UBE3B: variants seen among roughly 807,000 people sequenced by gnomAD.
UBE3B encodes ubiquitin-protein ligase E3B.
UBE3B carries 80 observed loss-of-function variants against 132.3 expected under a neutral mutation model. That is an observed-to-expected ratio of 0.60 (90% CI 0.50 to 0.73). UBE3B has a LOEUF of 0.73. UBE3B is among the 30% of genes least tolerant of loss of function. The pLI is 0.00. For synonymous variants in UBE3B, 487 were observed against 520.4 expected, an observed-to-expected ratio of 0.94 and a Z score of 0.87; for missense variants, 1,196 against 1,362.5, an observed-to-expected ratio of 0.88 and a Z score of 1.92.
intron 12 of UBE3B, 104 bp from the exon 13 acceptor site, chr12:109,501,267 C>T: frequency 7.1e-7 from 1 of 1,416,126 alleles, no homozygotes. Context: ...AGTGCCAGGT[C>T]CTAGCTACAG....
intron 9 of UBE3B, chr12:109,492,609 G>A (rs1877626577): frequency 6.6e-6 from 1 of 152,148 alleles, no homozygotes; most frequent in Non-Finnish European, 1.5e-5. Context: ...TGGGCATGGT[G>A]CCATGTGCCT....
In UBE3B at chr12:109,521,434, C is replaced by T; in HGVS notation, c.2254-7C>T. The T allele has an allele frequency of 6.3e-7, 1 of 1,578,632 alleles. No homozygotes were observed. Among genetic ancestry groups the T allele is most frequent in the South Asian group, 1.1e-5 (1 of 87,158 alleles). ...CCTCTGCCTCTCCCCGTCTTTTTGCCTTGCAGACAACCAGTGGGGATGAGA... is the reference window on the plus strand; with the variant it reads ...CCTCTGCCTCTCCCCGTCTTTTTGCTTTGCAGACAACCAGTGGGGATGAGA... On this transcript the variant is annotated splice_polypyrimidine_tract_variant and splice_region_variant and intron_variant, in intron 20 of 27. Coordinates refer to ENST00000342494, the MANE Select transcript of UBE3B (RefSeq NM_130466.4). This position sits in a 1 kb window ranked among gnomAD's most constrained non-coding sequence, Gnocchi z 4.2.
Position 109,507,676 on chromosome 12 carries a change from G to A in UBE3B, c.1563G>A (p.Glu521=). ...FLECLNNDTE[E]SKQLLAMLML... ...AATGCCTGAACAATGACACTGAAGA[G>A]TCCAAGCAACTCTTGGCCATGCTGA... is the stretch of plus-strand genomic sequence containing the variant. Residue 521 remains glutamate, a synonymous_variant, in exon 15 of 28, where the codon GAG becomes GAA. Coordinates refer to ENST00000342494, the MANE Select transcript of UBE3B (RefSeq NM_130466.4). The A allele has an allele frequency of 6.2e-7, 1 of 1,614,216 alleles. No homozygotes were observed.
chr12:109,525,717 C>T (rs1489935038), intron 23 of UBE3B, among the ~76,000 whole-genome samples: 2 of 152,058 alleles, frequency 1.3e-5, no homozygotes, highest in African/African-American at 4.8e-5. Flanking sequence ...CATAATTTTT[C>T]TCCCGACTAT....
intron 26 of UBE3B, among the ~76,000 whole-genome samples, chr12:109,533,041 C>T (rs532501662): frequency 2.0e-5 from 3 of 152,306 alleles, no homozygotes; most frequent in East Asian, 3.9e-4. Flanking sequence ...CACCAGCCTC[C>T]GCCTCGCCCT....
intron 1 of UBE3B, among the ~76,000 whole-genome samples, chr12:109,481,130 A>G (rs1466241465): frequency 1.3e-5 from 2 of 151,528 alleles, no homozygotes; most frequent in African/African-American, 2.4e-5. Flanking sequence ...AATGTCAAAC[A>G]TGGCCGGGCA....
In UBE3B at chr12:109,503,104, C is replaced by T; in HGVS notation, c.1364C>T (p.Ala455Val). ...RPVGGKRVDS[A>V]EVQKVCNICV... ...GTCGGGGGTAAACGGGTCGACTCTG[C>T]AGAAGTCCAGAAGGTTTGCAACATC... Residue 455 changes from alanine (A) to valine (V), a missense_variant, in exon 14 of 28, where the codon GCA (alanine) becomes GTA (valine). Transcript: ENST00000342494. 6.2e-7 allele frequency: 1 copy of T among 1,614,214 alleles called. No homozygotes were observed. Among genetic ancestry groups the T allele is most frequent in the South Asian group, 1.1e-5 (1 of 91,084 alleles).
chr12:109,517,523 TCTG>T, intron 19 of UBE3B, among the ~76,000 whole-genome samples: 1 of 152,166 alleles, frequency 6.6e-6, no homozygotes, highest in South Asian at 2.1e-4. Flanking sequence ...GTGCCTCCAA[TCTG>T]CTGGAACATG....
At chr12:109,513,203 C>T (rs895015444) in intron 18 of UBE3B, among the ~76,000 whole-genome samples, 5 of 152,080 alleles carry the variant, frequency 3.3e-5, no homozygotes, top group Non-Finnish European at 7.4e-5. Context: ...CTCCTGGACC[C>T]GCGTGTCTGT....
In UBE3B at chr12:109,507,722, CG is replaced by C; in HGVS notation, c.1611del (p.His538ThrfsTer30). 5 of 1,612,934 alleles carry C rather than the reference CG, an allele frequency of 3.1e-6. No homozygotes were observed. Among genetic ancestry groups the C allele is most frequent in the Non-Finnish European group, 4.2e-6 (5 of 1,179,558 alleles). ...AMLMLFCDCS[R>X]HLITILDDIE... is the part of the protein sequence containing the mutation. Reference sequence around the variant, plus strand: ...GCTGATGCTGTTCTGTGACTGTTCGCGGCACCTCATCACGTAGGTTGACTGC... The same window carrying C: ...GCTGATGCTGTTCTGTGACTGTTCGCGCACCTCATCACGTAGGTTGACTGC... On this transcript the variant is annotated frameshift_variant, in exon 15 of 28. Coordinates refer to ENST00000342494, the MANE Select transcript of UBE3B (RefSeq NM_130466.4). LOFTEE classifies it high-confidence loss of function.
At chr12:109,517,517 C>T (rs1881208989) in intron 19 of UBE3B, among the ~76,000 whole-genome samples, 1 of 152,162 alleles carries the variant, frequency 6.6e-6, no homozygotes, top group South Asian at 2.1e-4. Context: ...AAGACCGTGC[C>T]TCCAATCTGC....
chr12:109,485,731 G>GT (rs1360960568), intron 4 of UBE3B, among the ~76,000 whole-genome samples: 1 of 152,174 alleles, frequency 6.6e-6, no homozygotes, highest in African/African-American at 2.4e-5. Context: ...GATTGATACT[G>GT]TTTTTTGAAA....
chr12:109,492,349 A>G (rs1335853332), intron 9 of UBE3B: 2 of 152,216 alleles, frequency 1.3e-5, no homozygotes, highest in Non-Finnish European at 2.9e-5. Flanking sequence ...GTGGGACAGC[A>G]CAGATATAGA....
At chr12:109,542,677 A>C in the UBE3B span, among the ~76,000 whole-genome samples, 1 of 152,336 alleles carries the variant, frequency 6.6e-6, no homozygotes, top group Admixed American at 6.5e-5. Flanking sequence ...GCAGAGACTC[A>C]AGTGGGGAAC....
chr12:109,495,576 CAG>C (rs1370891902), intron 9 of UBE3B, among the ~76,000 whole-genome samples: 2 of 152,184 alleles, frequency 1.3e-5, no homozygotes, highest in East Asian at 1.9e-4. Flanking sequence ...AGTAGGAAAT[CAG>C]GGGTCTCACA....
chr12:109,526,280 C>CT (rs1882323760), intron 23 of UBE3B, 78 bp from the exon 24 acceptor site: 1 of 1,376,596 alleles, frequency 7.3e-7, no homozygotes, highest in Admixed American at 1.7e-5. Flanking sequence ...GATGTTTGTG[C>CT]TGGGCCCTCT....
At chr12:109,523,161 A>G (rs1023221147) in intron 21 of UBE3B, among the ~76,000 whole-genome samples, 1 of 152,202 alleles carries the variant, frequency 6.6e-6, no homozygotes, top group Non-Finnish European at 1.5e-5. Context: ...GACAGGTGTC[A>G]TCAAGTCCGA....
chr12:109,511,176 C>T (rs752552812), intron 17 of UBE3B, 28 bp from the exon 18 acceptor site: 2 of 1,607,210 alleles, frequency 1.2e-6, no homozygotes, highest in Middle Eastern at 1.7e-4. Context: ...TCTTTTAATT[C>T]TCCCAAACCC....
chr12:109,510,459 G>C lies in UBE3B; in HGVS notation c.1856+1G>C, dbSNP rs1315862550. 1 of 1,608,012 alleles carries C rather than the reference G, an allele frequency of 6.2e-7. No individual in the cohort carries two copies. The highest frequency in any genetic ancestry group is 8.5e-7 in the Non-Finnish European group (1 of 1,177,484). On this transcript the variant is annotated splice_donor_variant, in intron 17 of 27. Transcript: ENST00000342494. LOFTEE classifies it high-confidence loss of function. ...CCCCCGAGGACCACTGGCTGCGAAA[G>C]TGAGCTCCAGGGGTGAGGAGGGCTC...
Sources: gnomAD v4.1 joint callset for allele counts (sites outside exome capture counted in the v4.1 genomes callset) on GRCh38, gnomAD v4.1.1 for gene constraint, Gnocchi (gnomAD v3.1) non-coding constraint, MANE v1.5 for transcripts, NCBI Gene and HGNC (gene_info 2026-07-23, HGNC 2026-07-21) for gene names.